CTDSPL: variants seen among roughly 807,000 people sequenced by gnomAD.
CTDSPL encodes CTD small phosphatase like, also known as CTD small phosphatase-like protein.
A neutral mutation model predicts 30.5 loss-of-function variants in CTDSPL; 8 were observed. The ratio of observed to expected loss-of-function variants is 0.26; its 90% CI spans 0.15 to 0.47. The LOEUF (loss-of-function observed/expected upper bound fraction) is 0.47, where lower values mean the gene tolerates loss of function less well. Ranked by LOEUF, CTDSPL falls within the 20% of genes least tolerant of loss-of-function variation. CTDSPL has a pLI of 0.99. For missense variants in CTDSPL, 248 were observed against 366.1 expected (o/e 0.68, Z 2.63); for synonymous variants, 110 against 137.9 (o/e 0.80, Z 1.42).
At chr3:37,867,810 C>G (rs1186428318) in intron 1 of CTDSPL, among the ~76,000 whole-genome samples, 1 of 152,150 alleles carries the variant, frequency 6.6e-6, no homozygotes, top group African/African-American at 2.4e-5. Context: ...GTTTAGACTA[C>G]AGACCTTACT....
intron 1 of CTDSPL, among the ~76,000 whole-genome samples, chr3:37,899,735 A>C (rs1237923512): frequency 6.6e-6 from 1 of 152,218 alleles, no homozygotes; most frequent in Non-Finnish European, 1.5e-5. Flanking sequence ...AAGACTCTTC[A>C]ATTGCATTCA....
intron 1 of CTDSPL, among the ~76,000 whole-genome samples, chr3:37,911,239 A>G (rs1015782494): frequency 6.6e-6 from 1 of 152,228 alleles, no homozygotes; most frequent in Non-Finnish European, 1.5e-5. Context: ...CTGCTGCATT[A>G]GCTTTTCCAC....
rs71094932 is a variant in CTDSPL, at chr3:37,927,636, A to ATGTGTGTGTG, written c.80-19387_80-19378dup. Among the ~76,000 whole-genome samples, 220 of 115,744 alleles carry ATGTGTGTGTG rather than the reference A, an allele frequency of 1.9e-3. 1 individual carries two copies. Among genetic ancestry groups the ATGTGTGTGTG allele is most frequent in the South Asian group, 3.1e-3 (11 of 3,578 alleles). The allele number at this position is 115,744 out of a possible 152,430, so 75.9% of individuals were successfully genotyped here. Reference sequence around the variant, plus strand: ...TTAATTGTGGTTAAAAGAAAAATATATGTGTGTGTGTGTGTGTGTGTGTGT... The same window carrying ATGTGTGTGTG: ...TTAATTGTGGTTAAAAGAAAAATATATGTGTGTGTGTGTGTGTGTGTGTGTGTGTGTGTGT... On this transcript the variant is annotated intron_variant, in intron 1 of 7. Transcript: ENST00000273179.
intron 3 of CTDSPL, among the ~76,000 whole-genome samples, chr3:37,962,015 AC>A (rs1203695989): frequency 1.3e-5 from 2 of 151,074 alleles, no homozygotes; most frequent in Non-Finnish European, 1.5e-5. Flanking sequence ...TCCTCCACCC[AC>A]CCCCCGGCAA....
chr3:37,897,386 T>G (rs529514772), intron 1 of CTDSPL, among the ~76,000 whole-genome samples: 2 of 152,302 alleles, frequency 1.3e-5, no homozygotes, highest in African/African-American at 4.8e-5. Flanking sequence ...TTTATTTTAC[T>G]TATTGATTTT....
chr3:37,957,064 A>C (rs759654150), intron 2 of CTDSPL, 47 bp from the exon 3 acceptor site: 1 of 1,525,136 alleles, frequency 6.6e-7, no homozygotes. Context: ...TGAGAATATG[A>C]TCTTCTCTTC....
intron 1 of CTDSPL, among the ~76,000 whole-genome samples, chr3:37,940,032 C>T (rs1408559696): frequency 1.3e-5 from 2 of 149,892 alleles, no homozygotes; most frequent in Non-Finnish European, 3.0e-5. Flanking sequence ...GCAGAGGTTG[C>T]AGTGTGCCGA....
chr3:37,871,925 A>G (rs1457125305), intron 1 of CTDSPL, among the ~76,000 whole-genome samples: 3 of 151,498 alleles, frequency 2.0e-5, no homozygotes, highest in African/African-American at 7.3e-5. Context: ...TGAGATTTTT[A>G]TCTCAATTAT....
At chr3:37,863,237 T>C (rs140555545) in intron 1 of CTDSPL, among the ~76,000 whole-genome samples, 1,603 of 152,342 alleles carry the variant, frequency 0.011, 34 homozygotes, top group South Asian at 0.078. Flanking sequence ...GGATCCCTTA[T>C]AGTGCCAGGA....
chr3:37,888,118 C>G (rs901569427), intron 1 of CTDSPL, among the ~76,000 whole-genome samples: 3 of 152,102 alleles, frequency 2.0e-5, no homozygotes, highest in African/African-American at 7.2e-5. Context: ...AAGTTTGGGT[C>G]TGAAGGATCC....
intron 7 of CTDSPL, among the ~76,000 whole-genome samples, chr3:37,980,205 G>A (rs1699474325): frequency 6.6e-6 from 1 of 152,188 alleles, no homozygotes; most frequent in Non-Finnish European, 1.5e-5. Flanking sequence ...GCTTCAGAAT[G>A]TTCTGCAATT....
At chr3:37,951,839 A>G (rs1443151174) in intron 2 of CTDSPL, among the ~76,000 whole-genome samples, 1 of 152,238 alleles carries the variant, frequency 6.6e-6, no homozygotes, top group Non-Finnish European at 1.5e-5. Flanking sequence ...AAAGGGAAAA[A>G]GAACAAATAA....
At chr3:37,930,229 T>C (rs866673179) in intron 1 of CTDSPL, among the ~76,000 whole-genome samples, 2 of 151,988 alleles carry the variant, frequency 1.3e-5, no homozygotes, top group African/African-American at 4.8e-5. Flanking sequence ...AGATACTTGG[T>C]ATGATTTCAG....
intron 1 of CTDSPL, among the ~76,000 whole-genome samples, chr3:37,888,339 TTA>T (rs759200120): frequency 9.9e-5 from 15 of 152,212 alleles, no homozygotes; most frequent in Non-Finnish European, 1.6e-4. Flanking sequence ...TCTCTAGAAT[TTA>T]TATGTTTTAT....
At chr3:37,971,561 C>G in intron 6 of CTDSPL, 62 bp downstream of exon 6, 1 of 1,451,852 alleles carries the variant, frequency 6.9e-7, no homozygotes. Context: ...CCACCCCTAC[C>G]CCCAATCTGT....
At chr3:37,880,396 T>G (rs1406594400) in intron 1 of CTDSPL, among the ~76,000 whole-genome samples, 1 of 152,012 alleles carries the variant, frequency 6.6e-6, no homozygotes, top group African/African-American at 2.4e-5. Context: ...CCTTTCAGAT[T>G]TACATCTTGA....
At chr3:37,934,663 T>C (rs535351456) in intron 1 of CTDSPL, among the ~76,000 whole-genome samples, 1 of 152,328 alleles carries the variant, frequency 6.6e-6, no homozygotes, top group South Asian at 2.1e-4. Flanking sequence ...AAATAGGGGG[T>C]TGGCCATATG....
chr3:37,955,530 T>C (rs1478154766), intron 2 of CTDSPL, among the ~76,000 whole-genome samples: 1 of 152,222 alleles, frequency 6.6e-6, no homozygotes, highest in Non-Finnish European at 1.5e-5. Flanking sequence ...GAAGAAGTCA[T>C]GTCATTTGCA....
At chr3:37,902,969 C>G (rs1248313291) in intron 1 of CTDSPL, among the ~76,000 whole-genome samples, 1 of 152,200 alleles carries the variant, frequency 6.6e-6, no homozygotes, top group East Asian at 1.9e-4. Context: ...AGCTGTGCTC[C>G]AAGAAACACC....
Sources: allele counts gnomAD v4.1 joint callset (sites outside exome capture counted in the v4.1 genomes callset), GRCh38; gene constraint gnomAD v4.1.1; transcripts MANE v1.5; gene names NCBI Gene and HGNC (gene_info 2026-07-23, HGNC 2026-07-21).